The following CMTR1 variants were observed in gnomAD, a reference collection of about 807,000 sequenced individuals.
CMTR1 encodes cap methyltransferase 1, also known as cap-specific mRNA (nucleoside-2'-O-)-methyltransferase 1.
Under a neutral mutation model 107.0 loss-of-function variants are expected in CMTR1, and 39 were observed. The observed-to-expected ratio is 0.36, with a 90% CI of 0.28 to 0.48. The LOEUF (loss-of-function observed/expected upper bound fraction) is 0.48, where lower values mean the gene tolerates loss of function less well. CMTR1 is among the 20% of genes least tolerant of loss of function. The pLI is 0.99. For synonymous variants in CMTR1, 366 were observed against 379.5 expected (o/e 0.96, Z 0.41); for missense variants, 672 against 1,064.9 (o/e 0.63, Z 5.14).
At position 37,458,545 on chromosome 6, in the gene CMTR1, C is replaced by T; in HGVS notation, c.778-67C>T. ...AGGCTTATTTTACTCTCCCTGCATT[C>T]TCCTTCCTGTTGCCCATTGAGCTGT... On this transcript the variant is annotated intron_variant, in intron 8 of 23. Transcript: ENST00000373451. This position sits in a 1 kb window ranked among gnomAD's most constrained non-coding sequence, Gnocchi z 4.7. 1.3e-6 allele frequency: 2 copies of T among 1,500,016 alleles called. No homozygotes were observed. The highest frequency in any genetic ancestry group is 2.4e-5 in the South Asian group (2 of 84,448). The allele number at this position is 1,500,016 out of a possible 1,614,324, so 92.9% of individuals were successfully genotyped here.
At chr6:37,469,027 A>G (rs1409070498) in intron 13 of CMTR1, among the ~76,000 whole-genome samples, 1 of 152,158 alleles carries the variant, frequency 6.6e-6, no homozygotes, top group African/African-American at 2.4e-5. Flanking sequence ...AACATGGCAA[A>G]ACTCCCTTCT....
Position 37,479,214 on chromosome 6 carries a change from C to T in CMTR1, c.2334C>T (p.Asp778=). Residue 778 remains aspartate (D), a synonymous_variant, in exon 23 of 24, where the codon GAC becomes GAT. Coordinates refer to ENST00000373451, the MANE Select transcript of CMTR1 (RefSeq NM_015050.3). ...TCTTCTACAACAAGAAAACCAAGGACTCTACTTTTGACCTCCCTGCAGACT... is the reference window on the plus strand; with the variant it reads ...TCTTCTACAACAAGAAAACCAAGGATTCTACTTTTGACCTCCCTGCAGACT... The part of the protein sequence containing the change: ...KKFFYNKKTK[D]STFDLPADSI... 6.2e-7 allele frequency: 1 copy of T among 1,614,184 alleles called. No homozygotes were observed. The highest frequency in any genetic ancestry group is 1.7e-5 in the Admixed American group (1 of 60,036).
chr6:37,480,713 T>C lies in CMTR1; in HGVS notation c.*568T>C. On this transcript the variant is annotated 3_prime_UTR_variant, in exon 24 of 24. Coordinates refer to ENST00000373451, the MANE Select transcript of CMTR1 (RefSeq NM_015050.3). ...CCATTTTCTTGTCTCCTTCCCCCAC[T>C]CATCCTGGCCTTCCCTGGAGTTCTT... The C allele has an allele frequency of 9.7e-7, 1 of 1,027,878 alleles. No individual in the cohort carries two copies. The highest frequency in any genetic ancestry group is 4.8e-4 in the Middle Eastern group (1 of 2,090). The allele number at this position is 1,027,878 out of a possible 1,614,324, so 63.7% of individuals were successfully genotyped here.
chr6:37,435,429 A>G (rs912540412), intron 1 of CMTR1, among the ~76,000 whole-genome samples, 195 bp from the exon 2 acceptor site: 5 of 152,300 alleles, frequency 3.3e-5, no homozygotes, highest in Admixed American at 1.3e-4. Flanking sequence ...TAAAACAGCT[A>G]TTATTGAAAA....
chr6:37,475,041 G>A (rs1008526989), intron 18 of CMTR1, among the ~76,000 whole-genome samples: 3 of 152,194 alleles, frequency 2.0e-5, no homozygotes, highest in Admixed American at 1.3e-4. Flanking sequence ...TGGCAAGGGG[G>A]GTAAGCCAGA....
chr6:37,459,417 C>T (rs910086076), intron 9 of CMTR1, 149 bp from the exon 10 acceptor site: 3 of 675,712 alleles, frequency 4.4e-6, no homozygotes, highest in Non-Finnish European at 8.1e-6. Flanking sequence ...TGTTGTTCCT[C>T]CTGGTCCATC....
At chr6:37,462,171 C>G in intron 12 of CMTR1, 69 bp downstream of exon 12, 1 of 1,564,442 alleles carries the variant, frequency 6.4e-7, no homozygotes, top group Non-Finnish European at 8.8e-7. Flanking sequence ...CATGGTGCAT[C>G]TCTCTGGCAT....
At chr6:37,433,850 T>G (rs1225886551) in intron 1 of CMTR1, among the ~76,000 whole-genome samples, 1 of 152,170 alleles carries the variant, frequency 6.6e-6, no homozygotes, top group Non-Finnish European at 1.5e-5. Flanking sequence ...TTCACCTCTG[T>G]GGCCGCAGTC....
In CMTR1 at chr6:37,459,659, G is replaced by A. The variant is rs996591746; in HGVS notation, c.1070G>A (p.Gly357Asp). 4 of 1,614,096 alleles carry A rather than the reference G, an allele frequency of 2.5e-6. No homozygotes were observed. The highest frequency in any genetic ancestry group is 1.3e-5 in the African/African-American group (1 of 75,038). The change falls in exon 10 of 24, where the codon GGT (glycine) becomes GAT (aspartate). Residue 357 changes from glycine to aspartate, a missense_variant. Gly to Asp is a moderately conservative substitution (Grantham distance 94). Around this residue, in one of 2 missense-constraint regions of CMTR1, gnomAD observed 583 missense variants for 968.4 expected, o/e 0.60. Transcript: ENST00000373451. Reference protein sequence around the residue: ...NFVLDNTDRKGVHFLMADGGF... With the variant: ...NFVLDNTDRKDVHFLMADGGF... ...GTCCTGGATAACACAGATCGCAAGG[G>A]TGTCCATTTTCTGATGGCTGATGGG...
rs562972216 is a variant in CMTR1, at chr6:37,480,508, C to G, written c.*363C>G. 7 of 1,094,406 alleles carry G rather than the reference C, an allele frequency of 6.4e-6. No homozygotes were observed. In the African/African-American group the frequency reaches 6.8e-5, roughly 11 times the overall value. The allele number at this position is 1,094,406 out of a possible 1,614,324, so 67.8% of individuals were successfully genotyped here. On this transcript the variant is annotated 3_prime_UTR_variant, in exon 24 of 24. Transcript: ENST00000373451. Reference sequence around the variant, plus strand: ...TTCTCTCCTGCATCCTGTAGACTCACTTTTCTGAGTTCCATGCACTGCCCT... The same window carrying G: ...TTCTCTCCTGCATCCTGTAGACTCAGTTTTCTGAGTTCCATGCACTGCCCT...
At chr6:37,459,787 G>T (rs959361295) in intron 10 of CMTR1, 103 bp downstream of exon 10, 1 of 811,190 alleles carries the variant, frequency 1.2e-6, no homozygotes, top group Admixed American at 1.8e-5. Flanking sequence ...CCCAAAGATG[G>T]TATTTCACAG....
chr6:37,456,421 C>T (rs1196055790), intron 8 of CMTR1, among the ~76,000 whole-genome samples: 5 of 152,134 alleles, frequency 3.3e-5, no homozygotes, highest in South Asian at 2.1e-4. Context: ...GGGCTTGTCA[C>T]GGGATGATGA....
At chr6:37,478,587 C>G in intron 22 of CMTR1, 66 bp downstream of exon 22, 1 of 1,284,820 alleles carries the variant, frequency 7.8e-7, no homozygotes, top group Non-Finnish European at 1.1e-6. Context: ...GGTGATGGGT[C>G]CAGACCCTAC....
rs1337620505 is a variant in CMTR1, at chr6:37,471,964, G to A, written c.1620+60G>A. ...CAGGGAAGCCATAGAGAAGAATGGG[G>A]TTGACTCCCAATCCTGTCACCTTAG... On this transcript the variant is annotated intron_variant, in intron 15 of 23. Coordinates refer to ENST00000373451, the MANE Select transcript of CMTR1 (RefSeq NM_015050.3). 27 of 1,500,446 alleles carry A rather than the reference G, an allele frequency of 1.8e-5. No homozygotes were observed. In the Admixed American group the frequency reaches 4.6e-4, roughly 25 times the overall value. The allele number at this position is 1,500,446 out of a possible 1,614,324, so 92.9% of individuals were successfully genotyped here. A position where few individuals can be genotyped will look rare whatever the true frequency, so the allele number is the denominator to read the frequency against.
At position 37,480,136 on chromosome 6, in the gene CMTR1, C is replaced by T. The variant is rs778426873; in HGVS notation, c.2499C>T (p.His833=). Residue 833 remains histidine, a synonymous_variant, in exon 24 of 24, where the codon CAC becomes CAT. Coordinates refer to ENST00000373451, the MANE Select transcript of CMTR1 (RefSeq NM_015050.3). ...KEDVLSFIQM[H]RA ...ACGTCCTCTCCTTCATCCAGATGCA[C>T]AGGGCCTAAGAGCCTCAGAATGTGC... is the stretch of plus-strand genomic sequence containing the variant. 98 of 1,598,392 alleles carry T rather than the reference C, an allele frequency of 6.1e-5. No homozygotes were observed. The highest frequency in any genetic ancestry group is 8.1e-5 in the Non-Finnish European group (95 of 1,173,012).
intron 3 of CMTR1, among the ~76,000 whole-genome samples, chr6:37,445,839 G>T (rs1771782898): frequency 1.3e-5 from 2 of 152,074 alleles, no homozygotes; most frequent in Admixed American, 1.3e-4. Context: ...TCTTAAGTGG[G>T]CTCCTGCCAA....
At chr6:37,443,369 T>G (rs889796178) in intron 2 of CMTR1, among the ~76,000 whole-genome samples, 1 of 152,082 alleles carries the variant, frequency 6.6e-6, no homozygotes, top group Non-Finnish European at 1.5e-5. Flanking sequence ...TTTTTTTTTT[T>G]TTGAGATGGA....
rs563056941 is a variant in CMTR1 at position 37,480,009 on chromosome 6, C to A, written c.2376-4C>A. On this transcript the variant is annotated splice_polypyrimidine_tract_variant and splice_region_variant and intron_variant, in intron 23 of 23. Transcript: ENST00000373451. ...GACCTCTTTCCCATCCCTCTCCTCC[C>A]CAGCATTTGCTACTATGGCCGGCTC... is the stretch of plus-strand genomic sequence containing the variant. 6.4e-7 allele frequency: 1 copy of A among 1,571,500 alleles called. No individual in the cohort carries two copies. The highest frequency in any genetic ancestry group is 2.4e-5 in the East Asian group (1 of 41,908).
intron 2 of CMTR1, among the ~76,000 whole-genome samples, chr6:37,439,680 C>T (rs1039295848): frequency 2.0e-5 from 3 of 152,194 alleles, no homozygotes; most frequent in Admixed American, 6.5e-5. Flanking sequence ...TCACCACAGT[C>T]GTTAAGCAGG....
Sources: allele counts gnomAD v4.1 joint callset (sites outside exome capture counted in the v4.1 genomes callset), GRCh38; gene constraint gnomAD v4.1.1; regional missense constraint gnomAD v4.1.1; non-coding constraint Gnocchi (gnomAD v3.1); transcripts MANE v1.5; gene names NCBI Gene and HGNC (gene_info 2026-07-23, HGNC 2026-07-21).